The following UNC13C variants were observed in gnomAD, a reference collection of about 807,000 sequenced individuals.
UNC13C encodes the protein protein unc-13 homolog C.
UNC13C carries 174 observed loss-of-function variants against 245.4 expected under a neutral mutation model. The observed-to-expected ratio is 0.71, with a 90% CI of 0.63 to 0.80. The LOEUF is 0.80. Among genes scored for constraint, UNC13C ranks in the 30% least tolerant of loss-of-function variants. The pLI, the probability that UNC13C is intolerant of heterozygous loss-of-function variation, is 0.00. For missense variants in UNC13C, 2,829 were observed against 2,602.9 expected (o/e 1.09, Z -1.89); for synonymous variants, 992 against 895.1 (o/e 1.11, Z -1.93).
At chr15:54,080,005 G>T (rs2899530) in intron 2 of UNC13C, among the ~76,000 whole-genome samples, 532 of 36,772 alleles carry the variant, frequency 0.014, 78 homozygotes, top group Middle Eastern at 0.061. Context: ...TTTGTCGAGC[G>T]GTTTTTTTTT....
rs535652284 is a variant in UNC13C at position 54,395,495 on chromosome 15, T to C, written c.4847+2314T>C. Among the ~76,000 whole-genome samples the C allele has an allele frequency of 1.5e-4, 23 of 151,986 alleles. No individual in the cohort carries two copies. In the South Asian group the frequency reaches 4.3e-3, roughly 29 times the overall value. The stretch of plus-strand genomic sequence containing the variant: ...CTGCAATTGACACAGAAGTCTGCAA[T>C]ATTAATAAACGATCCCTGTTATTGT... On this transcript the variant is annotated intron_variant, in intron 18 of 32. Coordinates refer to ENST00000260323, the MANE Select transcript of UNC13C (RefSeq NM_001080534.3).
intron 1 of UNC13C, among the ~76,000 whole-genome samples, chr15:53,986,219 A>G (rs917820914): frequency 1.3e-5 from 2 of 152,110 alleles, no homozygotes; most frequent in Non-Finnish European, 2.9e-5. Context: ...AGGTCTGAGC[A>G]AAATATGTCT....
At chr15:53,863,296 C>G in the UNC13C span, among the ~76,000 whole-genome samples, 7 of 152,184 alleles carry the variant, frequency 4.6e-5, no homozygotes, top group Non-Finnish European at 1.0e-4. Context: ...GCGGCAGAGT[C>G]ATCCCCAAGT....
intron 28 of UNC13C, among the ~76,000 whole-genome samples, chr15:54,551,294 A>G (rs1896726109): frequency 6.6e-6 from 1 of 152,064 alleles, no homozygotes; most frequent in Non-Finnish European, 1.5e-5. Context: ...GTAGAGAAAA[A>G]CACCCATCTC....
chr15:54,103,476 T>G (rs1045558831), intron 2 of UNC13C, among the ~76,000 whole-genome samples: 6 of 152,246 alleles, frequency 3.9e-5, no homozygotes. Flanking sequence ...TTACCAACCG[T>G]GTTCAAATTA....
chr15:53,870,925 G>T, the UNC13C span, among the ~76,000 whole-genome samples: 2 of 152,114 alleles, frequency 1.3e-5, no homozygotes, highest in African/African-American at 2.4e-5. Flanking sequence ...ACCAAGGCCT[G>T]CCCAGTGCCC....
At chr15:53,956,239 G>T in the UNC13C span, among the ~76,000 whole-genome samples, 3 of 152,068 alleles carry the variant, frequency 2.0e-5, no homozygotes, top group African/African-American at 7.2e-5. Context: ...TCAGTTCTTT[G>T]GTGATAGAAT....
Position 54,525,478 on chromosome 15 carries a change from A to C in UNC13C, c.5458-71A>C. 1.1e-5 allele frequency: 12 copies of C among 1,133,082 alleles called. 1 individual carries two copies. In the South Asian group the frequency reaches 1.9e-4, roughly 18 times the overall value. The allele number at this position is 1,133,082 out of a possible 1,614,324, so 70.2% of individuals were successfully genotyped here. ...TTGAAGTTACCATATAATAATCAAAATGCTTGTAAGCAAAACAGAGGCATG... is the reference window on the plus strand; with the variant it reads ...TTGAAGTTACCATATAATAATCAAACTGCTTGTAAGCAAAACAGAGGCATG... On this transcript the variant is annotated intron_variant, in intron 24 of 32. Transcript: ENST00000260323.
intron 29 of UNC13C, among the ~76,000 whole-genome samples, chr15:54,561,551 G>C (rs1361731937): frequency 6.6e-6 from 1 of 151,922 alleles, no homozygotes; most frequent in Non-Finnish European, 1.5e-5. Flanking sequence ...AGACAAGAAG[G>C]CTTGGAGGCA....
At chr15:53,851,262 T>C in the UNC13C span, among the ~76,000 whole-genome samples, 61,399 of 151,922 alleles carry the variant, frequency 0.4, 12,631 homozygotes, top group African/African-American at 0.46. Flanking sequence ...TGTTTAGATT[T>C]TGTTGTTTTC....
intron 20 of UNC13C, 150 bp downstream of exon 20, chr15:54,494,884 A>T (rs1893881712): frequency 6.1e-6 from 6 of 990,572 alleles, no homozygotes; most frequent in Non-Finnish European, 9.0e-6. Context: ...AAGGATTTGC[A>T]TGTCTTTGGG....
At chr15:54,071,175 T>C (rs1046028353) in intron 2 of UNC13C, among the ~76,000 whole-genome samples, 10 of 152,150 alleles carry the variant, frequency 6.6e-5, no homozygotes, top group Non-Finnish European at 1.5e-4. Context: ...CAGATTTTTA[T>C]ATCAAATTTC....
chr15:54,341,193 A>G (rs1023073981), intron 17 of UNC13C, among the ~76,000 whole-genome samples: 1 of 152,230 alleles, frequency 6.6e-6, no homozygotes, highest in African/African-American at 2.4e-5. Context: ...AAGCAAAGAC[A>G]TGGAATCAAC....
chr15:53,857,329 G>T, the UNC13C span, among the ~76,000 whole-genome samples: 1 of 152,126 alleles, frequency 6.6e-6, no homozygotes, highest in African/African-American at 2.4e-5. Context: ...AGTAGAGTTT[G>T]TTAGACACCA....
At chr15:54,466,961 T>C (rs893402537) in intron 19 of UNC13C, among the ~76,000 whole-genome samples, 1 of 151,874 alleles carries the variant, frequency 6.6e-6, no homozygotes, top group Non-Finnish European at 1.5e-5. Flanking sequence ...CCTGTGAATT[T>C]CCAGAGCTAC....
At chr15:54,053,394 A>G (rs1897356489) in intron 2 of UNC13C, among the ~76,000 whole-genome samples, 1 of 152,210 alleles carries the variant, frequency 6.6e-6, no homozygotes, top group African/African-American at 2.4e-5. Context: ...TTGCAAAAAT[A>G]CGAATGTAAA....
At chr15:54,416,116 C>T (rs548748528) in intron 19 of UNC13C, among the ~76,000 whole-genome samples, 1 of 152,230 alleles carries the variant, frequency 6.6e-6, no homozygotes, top group South Asian at 2.1e-4. Context: ...CAGACAGGGC[C>T]TTGTGGGCCA....
chr15:54,414,465 T>C (rs1467192712), intron 18 of UNC13C, among the ~76,000 whole-genome samples: 1 of 152,036 alleles, frequency 6.6e-6, no homozygotes, highest in Non-Finnish European at 1.5e-5. Context: ...TGAACCAACA[T>C]AGTGAAACCC....
the UNC13C span, among the ~76,000 whole-genome samples, chr15:53,964,436 G>A: frequency 6.6e-6 from 1 of 152,052 alleles, no homozygotes; most frequent in East Asian, 1.9e-4. Flanking sequence ...TATCCCTATG[G>A]GTGTCAACCA....
Sources: allele counts gnomAD v4.1 joint callset (sites outside exome capture counted in the v4.1 genomes callset), GRCh38; gene constraint gnomAD v4.1.1; transcripts MANE v1.5; gene names NCBI Gene and HGNC (gene_info 2026-07-23, HGNC 2026-07-21).